Variants in PRKN observed in about 807,000 individuals in gnomAD.
PRKN encodes the protein parkin RBR E3 ubiquitin protein ligase.
A neutral mutation model predicts 59.5 loss-of-function variants in PRKN; 56 were observed. The ratio of observed to expected loss-of-function variants is 0.94; its 90% CI spans 0.76 to 1.18. The LOEUF (loss-of-function observed/expected upper bound fraction) is 1.18, where lower values mean the gene tolerates loss of function less well. PRKN is among the 50% of genes most tolerant of loss of function. The pLI is 0.00. For synonymous variants in PRKN, 250 were observed against 222.1 expected, an observed-to-expected ratio of 1.13 and a Z score of -1.12; for missense variants, 657 against 596.4, an observed-to-expected ratio of 1.10 and a Z score of -1.06.
intron 5 of PRKN, among the ~76,000 whole-genome samples, chr6:162,033,450 C>T (rs532541881): frequency 1.3e-5 from 2 of 152,152 alleles, no homozygotes; most frequent in South Asian, 4.1e-4. Flanking sequence ...ACAATGCATA[C>T]TTTATATATA....
chr6:161,516,491 A>AAAG (rs1269074997), intron 9 of PRKN, among the ~76,000 whole-genome samples: 9 of 56,090 alleles, frequency 1.6e-4, no homozygotes, highest in South Asian at 2.0e-3. Flanking sequence ...AAAAAAAAAA[A>AAAG]AAGAAGAAGA....
intron 6 of PRKN, among the ~76,000 whole-genome samples, chr6:161,840,108 C>T (rs1017324444): frequency 6.6e-6 from 1 of 152,218 alleles, no homozygotes; most frequent in African/African-American, 2.4e-5. Flanking sequence ...GTTCAACCCT[C>T]AACACACAAA....
intron 9 of PRKN, among the ~76,000 whole-genome samples, chr6:161,404,159 C>T (rs534423758): frequency 6.6e-6 from 1 of 152,252 alleles, no homozygotes; most frequent in South Asian, 2.1e-4. Context: ...ATCCCTCCAC[C>T]CTGCACTGGG....
chr6:161,568,844 G>A (rs1780753425), intron 8 of PRKN, among the ~76,000 whole-genome samples: 1 of 151,970 alleles, frequency 6.6e-6, no homozygotes, highest in Non-Finnish European at 1.5e-5. Context: ...ACGCCTCACT[G>A]AGCACAACAC....
At chr6:162,531,327 C>A (rs528632976) in intron 1 of PRKN, among the ~76,000 whole-genome samples, 3 of 152,240 alleles carry the variant, frequency 2.0e-5, no homozygotes, top group Admixed American at 6.5e-5. Context: ...AGAGCCGATT[C>A]ATCACAACAG....
At chr6:162,546,448 A>G (rs1162197869) in intron 1 of PRKN, among the ~76,000 whole-genome samples, 1 of 150,510 alleles carries the variant, frequency 6.6e-6, no homozygotes. Flanking sequence ...AAATTTAGCC[A>G]TTTGAAACAA....
intron 6 of PRKN, among the ~76,000 whole-genome samples, chr6:161,927,632 T>C (rs529021860): frequency 6.6e-6 from 1 of 152,198 alleles, no homozygotes. Flanking sequence ...AATAATTTCA[T>C]CTTTAATGGA....
Position 161,480,836 on chromosome 6 carries a change from C to T in PRKN, c.1083+68018G>A, listed in dbSNP as rs191036319. Among the ~76,000 whole-genome samples the T allele has an allele frequency of 3.1e-3, 479 of 152,360 alleles. 3 individuals carry two copies. Among genetic ancestry groups the T allele is most frequent in the African/African-American group, 0.011 (451 of 41,586 alleles). ...GAAAAGCAGGCACCGCTTTTAATTTCATTGCTATAACTAATTAGCATTAGA... is the reference window on the plus strand; with the variant it reads ...GAAAAGCAGGCACCGCTTTTAATTTTATTGCTATAACTAATTAGCATTAGA... On this transcript the variant is annotated intron_variant, in intron 9 of 11. Transcript: ENST00000366898. The surrounding 1 kb of genome is among the most constrained non-coding windows in gnomAD (Gnocchi z 4.1).
chr6:161,967,647 C>T (rs1011901868), intron 6 of PRKN, among the ~76,000 whole-genome samples: 4 of 152,098 alleles, frequency 2.6e-5, no homozygotes, highest in South Asian at 4.1e-4. Flanking sequence ...TACTGACAAC[C>T]GAAATGAGTG....
chr6:162,114,039 A>C (rs946268423), intron 4 of PRKN, among the ~76,000 whole-genome samples: 7 of 151,070 alleles, frequency 4.6e-5, no homozygotes, highest in African/African-American at 1.7e-4. Context: ...ATGTGGCATT[A>C]TTTCTGAGGG....
chr6:162,222,134 A>C (rs1332716783), intron 3 of PRKN, among the ~76,000 whole-genome samples: 1 of 152,136 alleles, frequency 6.6e-6, no homozygotes, highest in East Asian at 1.9e-4. Flanking sequence ...GATAATCCCC[A>C]AAATTCCAGC....
chr6:162,720,318 G>A (rs954924103), intron 1 of PRKN, among the ~76,000 whole-genome samples: 4 of 152,072 alleles, frequency 2.6e-5, no homozygotes, highest in Non-Finnish European at 5.9e-5. Flanking sequence ...CAAAGTTAAG[G>A]GCTCTCATGT....
chr6:162,677,063 CAAAAAAAAAA>C (rs536705591), intron 1 of PRKN, among the ~76,000 whole-genome samples: 2 of 90,296 alleles, frequency 2.2e-5, no homozygotes, highest in African/African-American at 4.2e-5. Context: ...ACATCTCAAT[CAAAAAAAAAA>C]AAAAAAAAAA....
chr6:161,794,450 C>A (rs1790758098), intron 6 of PRKN, among the ~76,000 whole-genome samples: 1 of 152,122 alleles, frequency 6.6e-6, no homozygotes, highest in Non-Finnish European at 1.5e-5. Context: ...CCTCTTCCCT[C>A]CCTGGACCCC....
intron 10 of PRKN, among the ~76,000 whole-genome samples, chr6:161,383,381 T>C (rs1453917414): frequency 6.6e-6 from 1 of 152,166 alleles, no homozygotes; most frequent in African/African-American, 2.4e-5. Context: ...ATAGAGAAGG[T>C]GCTGGTAATT....
At chr6:162,277,836 A>G (rs1780703985) in intron 2 of PRKN, among the ~76,000 whole-genome samples, 1 of 152,180 alleles carries the variant, frequency 6.6e-6, no homozygotes, top group Admixed American at 6.5e-5. Context: ...GGAATGCAAA[A>G]CGGTATAGTC....
chr6:162,409,515 C>A (rs1788246938), intron 2 of PRKN, among the ~76,000 whole-genome samples: 1 of 152,096 alleles, frequency 6.6e-6, no homozygotes, highest in Non-Finnish European at 1.5e-5. Flanking sequence ...GCATGATTAT[C>A]AATATGGGTT....
At chr6:162,727,360 T>C (rs1159813250) in intron 1 of PRKN, 2 of 399,504 alleles carry the variant, frequency 5.0e-6, no homozygotes, top group East Asian at 5.8e-5. Flanking sequence ...CCCCACACGG[T>C]CCGGGGGACC....
chr6:161,766,314 A>ATTTTTTTTTTTTTTTTTTTTTTTTTT (rs758294050), intron 7 of PRKN, among the ~76,000 whole-genome samples: 10 of 139,638 alleles, frequency 7.2e-5, no homozygotes, highest in South Asian at 2.3e-4. Flanking sequence ...CATTGACCAC[A>ATTTTTTTTTTTTTTTTTTTTTTTTTT]TTTTTTTTTT....
Sources: allele counts gnomAD v4.1 joint callset (sites outside exome capture counted in the v4.1 genomes callset), GRCh38; gene constraint gnomAD v4.1.1; non-coding constraint Gnocchi (gnomAD v3.1); transcripts MANE v1.5; gene names NCBI Gene and HGNC (gene_info 2026-07-23, HGNC 2026-07-21).